Variants in DNAH11 observed in about 807,000 individuals in gnomAD.
DNAH11 encodes the protein dynein axonemal heavy chain 11, also known as axonemal beta dynein heavy chain 11.
DNAH11 carries 442 observed loss-of-function variants against 526.0 expected under a neutral mutation model. The ratio of observed to expected loss-of-function variants is 0.84; its 90% CI spans 0.78 to 0.91. The LOEUF (loss-of-function observed/expected upper bound fraction) is 0.91. Among genes scored for constraint, DNAH11 ranks in the 40% least tolerant of loss-of-function variants. The pLI is 0.00. For synonymous variants in DNAH11, 2,461 were observed against 1,935.9 expected (o/e 1.27, Z -7.12); for missense variants, 6,989 against 5,448.7 (o/e 1.28, Z -8.90).
intron 2 of DNAH11, among the ~76,000 whole-genome samples, chr7:21,551,462 T>C (rs575191712): frequency 6.6e-6 from 1 of 152,322 alleles, no homozygotes; most frequent in East Asian, 1.9e-4. Context: ...GGCCCCACTC[T>C]GTCCAGATTT....
chr7:21,658,677 C>G, intron 29 of DNAH11, 121 bp from the exon 30 acceptor site: 1 of 715,394 alleles, frequency 1.4e-6, no homozygotes, highest in Non-Finnish European at 2.2e-6. Context: ...AGTTTTCTAC[C>G]TGGGTTTAAA....
chr7:21,579,535 A>C (rs1784231187), intron 8 of DNAH11, among the ~76,000 whole-genome samples: 1 of 152,172 alleles, frequency 6.6e-6, no homozygotes, highest in Non-Finnish European at 1.5e-5. Context: ...ATAGAAATGA[A>C]GCAGGTGAGA....
chr7:21,712,987 A>G (rs1238274715), intron 42 of DNAH11, among the ~76,000 whole-genome samples: 1 of 152,240 alleles, frequency 6.6e-6, no homozygotes, highest in Non-Finnish European at 1.5e-5. Flanking sequence ...ACTTACATAA[A>G]AAGAAATCAC....
intron 25 of DNAH11, among the ~76,000 whole-genome samples, chr7:21,628,104 A>G (rs369815896): frequency 2.6e-5 from 4 of 152,028 alleles, no homozygotes; most frequent in East Asian, 3.8e-4. Context: ...CTGTTGGTAC[A>G]TATAAATGCA....
rs547254621 is a variant in DNAH11 at position 21,612,424 on chromosome 7, A to G, written c.3853-2690A>G. On this transcript the variant is annotated intron_variant, in intron 20 of 81. Coordinates refer to ENST00000409508, the MANE Select transcript of DNAH11 (RefSeq NM_001277115.2). ...CAAAAAATTAGCCGGGCGTGGTGGC[A>G]GGCGCCAGTAGTCCCAGCTACTCAG... 3.2e-4 allele frequency among the ~76,000 whole-genome samples: 49 copies of G among 151,990 alleles called. 1 individual carries two copies. Among genetic ancestry groups the G allele is most frequent in the East Asian group, 5.8e-4 (3 of 5,160 alleles).
At chr7:21,567,060 A>G (rs192229659) in intron 6 of DNAH11, among the ~76,000 whole-genome samples, 3 of 152,278 alleles carry the variant, frequency 2.0e-5, no homozygotes, top group Non-Finnish European at 2.9e-5. Flanking sequence ...AAAGGGTACA[A>G]TCTTTTCATG....
chr7:21,616,710 C>G (rs12673164), intron 22 of DNAH11, among the ~76,000 whole-genome samples: 1 of 152,132 alleles, frequency 6.6e-6, no homozygotes, highest in Admixed American at 6.5e-5. Flanking sequence ...TGGATTTATG[C>G]GGAATACTAT....
intron 38 of DNAH11, 63 bp from the exon 39 acceptor site, chr7:21,705,397 G>A: frequency 1.9e-6 from 3 of 1,560,952 alleles, no homozygotes; most frequent in Admixed American, 1.7e-5. Context: ...GGCAAAAATG[G>A]TAGATTATCT....
chr7:21,798,182 G>A (rs1788801411), intron 61 of DNAH11, among the ~76,000 whole-genome samples: 1 of 152,172 alleles, frequency 6.6e-6, no homozygotes, highest in Admixed American at 6.5e-5. Flanking sequence ...TTACAAACTT[G>A]ACTCCTAGGT....
At chr7:21,688,150 G>A (rs1783462378) in intron 34 of DNAH11, among the ~76,000 whole-genome samples, 1 of 152,178 alleles carries the variant, frequency 6.6e-6, no homozygotes, top group Non-Finnish European at 1.5e-5. Context: ...ATCTGATGCA[G>A]TTGGTTATTC....
chr7:21,899,324 C>G lies in DNAH11; in HGVS notation c.13050-12C>G. 5 of 1,610,402 alleles carry G rather than the reference C, an allele frequency of 3.1e-6. No individual in the cohort carries two copies. Among genetic ancestry groups the G allele is most frequent in the Non-Finnish European group, 4.2e-6 (5 of 1,176,580 alleles). On this transcript the variant is annotated splice_polypyrimidine_tract_variant and intron_variant, in intron 79 of 81. Coordinates refer to ENST00000409508, the MANE Select transcript of DNAH11 (RefSeq NM_001277115.2). ...GAACAGCAAGTTTTTCTTCCTCCCT[C>G]CCATAAACCAGGTTCAATGACCTCC...
chr7:21,816,513 C>A lies in DNAH11; in HGVS notation c.10379C>A (p.Thr3460Lys), dbSNP rs573384750. The change falls in exon 64 of 82, where the codon ACG (threonine) becomes AAG (lysine). Residue 3460 changes from threonine to lysine, a missense_variant. Transcript: ENST00000409508. ...GGCCTGGACTTGATATCCATGTTGA[C>A]GGATGATGCTACAATTGCCGCCTGG... Reference protein sequence around the residue: ...TEGLDLISMLTDDATIAAWNN... With the variant: ...TEGLDLISMLKDDATIAAWNN... 6.6e-5 allele frequency: 106 copies of A among 1,611,778 alleles called. No individual in the cohort carries two copies. In the East Asian group the frequency reaches 2.0e-3, roughly 30 times the overall value.
At chr7:21,897,778 G>T (rs554363423) in intron 79 of DNAH11, among the ~76,000 whole-genome samples, 1 of 151,968 alleles carries the variant, frequency 6.6e-6, no homozygotes, top group Non-Finnish European at 1.5e-5. Context: ...CACCATGCCC[G>T]GCCAACTTTG....
intron 76 of DNAH11, among the ~76,000 whole-genome samples, chr7:21,890,553 G>C (rs1242253040): frequency 6.6e-6 from 1 of 152,184 alleles, no homozygotes; most frequent in Non-Finnish European, 1.5e-5. Flanking sequence ...AGCACAAACA[G>C]AGAAGACCAA....
chr7:21,660,991 C>T (rs1782220224), intron 30 of DNAH11, among the ~76,000 whole-genome samples: 1 of 152,070 alleles, frequency 6.6e-6, no homozygotes, highest in South Asian at 2.1e-4. Context: ...TCGGTTTACT[C>T]TGGTTGTCTA....
At chr7:21,667,017 A>G (rs1016009647) in intron 30 of DNAH11, among the ~76,000 whole-genome samples, 11 of 152,286 alleles carry the variant, frequency 7.2e-5, no homozygotes, top group South Asian at 2.1e-4. Flanking sequence ...GTCCAAACCT[A>G]TAAAAAGAGG....
At chr7:21,688,237 C>A (rs975641919) in intron 34 of DNAH11, among the ~76,000 whole-genome samples, 1 of 152,146 alleles carries the variant, frequency 6.6e-6, no homozygotes, top group Non-Finnish European at 1.5e-5. Context: ...CACAGCGCTT[C>A]ATTGCTGGTT....
At chr7:21,606,392 A>T (rs776478420) in intron 18 of DNAH11, 34 bp from the exon 19 acceptor site, 1 of 1,504,340 alleles carries the variant, frequency 6.6e-7, no homozygotes, top group East Asian at 2.3e-5. Context: ...TTAGGAATTG[A>T]AGTAATTTCG....
chr7:21,789,817 T>TTTC lies in DNAH11; in HGVS notation c.10026+478_10026+480dup, dbSNP rs879652687. Among the ~76,000 whole-genome samples, 7 of 69,532 alleles carry TTTC rather than the reference T, an allele frequency of 1.0e-4. No individual in the cohort carries two copies. In the East Asian group the frequency reaches 2.0e-3, roughly 20 times the overall value. 45.6% of individuals were successfully genotyped at this position (69,532 alleles called of 152,430 possible). Reference sequence around the variant, plus strand: ...TCTTTCTTTCTTTCTTTTTTCTTTCTTTCTTTCTTTCTTTCTTTCTTTCTT... The same window carrying TTTC: ...TCTTTCTTTCTTTCTTTTTTCTTTCTTTCTTCTTTCTTTCTTTCTTTCTTTCTT... On this transcript the variant is annotated intron_variant, in intron 61 of 81. Coordinates refer to ENST00000409508, the MANE Select transcript of DNAH11 (RefSeq NM_001277115.2).
Sources: gnomAD v4.1 joint callset for allele counts (sites outside exome capture counted in the v4.1 genomes callset) on GRCh38, gnomAD v4.1.1 for gene constraint, MANE v1.5 for transcripts, NCBI Gene and HGNC (gene_info 2026-07-23, HGNC 2026-07-21) for gene names.